NEK10: variants seen among roughly 807,000 people sequenced by gnomAD.
The protein encoded by NEK10 is serine/threonine-protein kinase Nek10.
Under a neutral mutation model 159.8 loss-of-function variants are expected in NEK10, and 122 were observed. The ratio of observed to expected loss-of-function variants is 0.76; its 90% CI spans 0.66 to 0.89. NEK10 has a LOEUF of 0.89. Among genes scored for constraint, NEK10 ranks in the 40% least tolerant of loss-of-function variants. The probability of loss-of-function intolerance (pLI) is 0.00; values close to 1 mark genes in which losing one functional copy is unlikely to be tolerated. For synonymous variants in NEK10, 466 were observed against 457.1 expected, an observed-to-expected ratio of 1.02 and a Z score of -0.25; for missense variants, 1,342 against 1,323.1, an observed-to-expected ratio of 1.01 and a Z score of -0.22.
In NEK10 at chr3:27,352,843, AT is replaced by A. The variant is rs1253386987; in HGVS notation, c.39del (p.Lys13AsnfsTer24). 1 of 1,611,376 alleles carries A rather than the reference AT, an allele frequency of 6.2e-7. No homozygotes were observed. The highest frequency in any genetic ancestry group is 1.7e-5 in the Admixed American group (1 of 59,884). On this transcript the variant is annotated frameshift_variant, in exon 2 of 36. Coordinates refer to ENST00000691995, the MANE Select transcript of NEK10 (RefSeq NM_001394966.1). LOFTEE classifies it high-confidence loss of function. ...DQDKKVKTTE[K>X]STDKQQEITI... ...GTGATTTCTTGCTGTTTATCAGTTG[AT>A]TTTTCTGTGGTCTTCACCTTTTTAT...
At chr3:27,172,261 G>A (rs111680257) in intron 28 of NEK10, among the ~76,000 whole-genome samples, 1 of 145,860 alleles carries the variant, frequency 6.9e-6, no homozygotes, top group African/African-American at 2.6e-5. Flanking sequence ...CTTGAACCCA[G>A]GAGGCGGAGG....
At chr3:27,273,739 G>C (rs1173530916) in intron 22 of NEK10, among the ~76,000 whole-genome samples, 1 of 152,120 alleles carries the variant, frequency 6.6e-6, no homozygotes, top group Non-Finnish European at 1.5e-5. Flanking sequence ...TGTGAAACAG[G>C]CCAGAATAAA....
chr3:27,306,610 T>G (rs2044263159), intron 11 of NEK10, among the ~76,000 whole-genome samples: 1 of 152,188 alleles, frequency 6.6e-6, no homozygotes, highest in Admixed American at 6.5e-5. Context: ...CCCCATAATG[T>G]TCATGATAAA....
intron 1 of NEK10, among the ~76,000 whole-genome samples, chr3:27,354,135 G>A (rs1175989550): frequency 2.0e-5 from 3 of 152,102 alleles, no homozygotes; most frequent in Admixed American, 6.6e-5. Flanking sequence ...TGTTGGCTTC[G>A]AATTCCTGCT....
chr3:27,188,938 T>C (rs1386863894), intron 26 of NEK10, among the ~76,000 whole-genome samples: 1 of 152,190 alleles, frequency 6.6e-6, no homozygotes, highest in East Asian at 1.9e-4. Context: ...TGATTCTCTG[T>C]GTTCACTACA....
intron 23 of NEK10, among the ~76,000 whole-genome samples, chr3:27,241,360 C>A (rs537741186): frequency 2.6e-5 from 4 of 152,298 alleles, no homozygotes; most frequent in South Asian, 2.1e-4. Flanking sequence ...TGCGAGCACA[C>A]TGGACTGAAT....
chr3:27,260,901 C>T (rs546941845), intron 22 of NEK10, among the ~76,000 whole-genome samples: 1 of 152,066 alleles, frequency 6.6e-6, no homozygotes, highest in Non-Finnish European at 1.5e-5. Context: ...ATTTCAGAGC[C>T]TGTTATTGGT....
At chr3:27,283,447 GA>G (rs769849005) in intron 22 of NEK10, among the ~76,000 whole-genome samples, 6 of 152,026 alleles carry the variant, frequency 3.9e-5, no homozygotes, top group Admixed American at 2.6e-4. Flanking sequence ...TATATGTATA[GA>G]ATTTATACAT....
chr3:27,331,247 A>AACAAAAAAAAAAC (rs2046380049), intron 5 of NEK10, among the ~76,000 whole-genome samples: 1 of 127,660 alleles, frequency 7.8e-6, no homozygotes, highest in East Asian at 2.4e-4. Context: ...CAAAAAAAAA[A>AACAAAAAAAAAAC]AAACAAAAAA....
At chr3:27,357,170 T>C (rs1014409573) in intron 1 of NEK10, among the ~76,000 whole-genome samples, 7 of 151,982 alleles carry the variant, frequency 4.6e-5, no homozygotes, top group Non-Finnish European at 1.0e-4. Context: ...CTCTGGGAGG[T>C]TTTGATGTTG....
chr3:27,128,194 T>A (rs1373233610), intron 32 of NEK10, among the ~76,000 whole-genome samples: 1 of 152,152 alleles, frequency 6.6e-6, no homozygotes, highest in Non-Finnish European at 1.5e-5. Context: ...TGCAGTTGCG[T>A]TCCAACAACA....
chr3:27,214,951 C>G, intron 23 of NEK10: 1 of 858,224 alleles, frequency 1.2e-6, no homozygotes, highest in Non-Finnish European at 2.0e-6. Context: ...TAATCCAAAA[C>G]CAGTGCCTAT....
chr3:27,350,904 G>C (rs2047924330), intron 3 of NEK10, among the ~76,000 whole-genome samples: 1 of 152,080 alleles, frequency 6.6e-6, no homozygotes, highest in African/African-American at 2.4e-5. Flanking sequence ...TCCTCATGTG[G>C]TGACCCATTT....
At chr3:27,245,777 T>G (rs796809353) in intron 23 of NEK10, among the ~76,000 whole-genome samples, 35 of 152,312 alleles carry the variant, frequency 2.3e-4, no homozygotes, top group African/African-American at 8.4e-4. Context: ...ATAAATTAAT[T>G]TGTGGTAAAT....
chr3:27,174,512 C>A lies in NEK10; in HGVS notation c.2703G>T (p.Glu901Asp). ...LENAEKDTYS[E>D]VDDELDISDN... is the part of the protein sequence containing the mutation. ...CCGAAATGTCCAATTCATCATCTAC[C>A]TCTGAATATGTATCTGCACATTAAT... Residue 901 changes from glutamate to aspartate, a missense_variant, in exon 28 of 36, where the codon GAG (glutamate) becomes GAT (aspartate). Transcript: ENST00000691995. The A allele has an allele frequency of 6.2e-7, 1 of 1,612,082 alleles. No homozygotes were observed.
At chr3:27,243,278 A>T (rs1052503980) in intron 23 of NEK10, among the ~76,000 whole-genome samples, 2 of 152,176 alleles carry the variant, frequency 1.3e-5, no homozygotes, top group Admixed American at 1.3e-4. Context: ...TAATAGCTAA[A>T]TGAGTTAAGA....
At chr3:27,116,157 C>A in intron 33 of NEK10, 30 bp from the exon 34 acceptor site, 1 of 1,601,336 alleles carries the variant, frequency 6.2e-7, no homozygotes, top group Non-Finnish European at 8.6e-7. Context: ...GAAAGTCTGA[C>A]ATTTGGGTTC....
At chr3:27,312,255 T>C (rs2044756382) in intron 7 of NEK10, 78 bp from the exon 8 acceptor site, 2 of 736,190 alleles carry the variant, frequency 2.7e-6, no homozygotes, top group Admixed American at 6.3e-5. Context: ...ATGCTGCAGT[T>C]CTTAAAATAA....
chr3:27,232,776 T>A (rs1022193579), intron 23 of NEK10, among the ~76,000 whole-genome samples: 2 of 151,986 alleles, frequency 1.3e-5, no homozygotes, highest in Non-Finnish European at 2.9e-5. Flanking sequence ...AGCCAACTGA[T>A]CTTCAACAAA....
Sources: allele counts gnomAD v4.1 joint callset (sites outside exome capture counted in the v4.1 genomes callset), GRCh38; gene constraint gnomAD v4.1.1; transcripts MANE v1.5; gene names NCBI Gene and HGNC (gene_info 2026-07-23, HGNC 2026-07-21).